The following AKAP13 variants were observed in gnomAD, a reference collection of about 807,000 sequenced individuals.
The protein encoded by AKAP13 is A-kinase anchor protein 13.
A neutral mutation model predicts 264.5 loss-of-function variants in AKAP13; 80 were observed. The ratio of observed to expected loss-of-function variants is 0.30; its 90% confidence interval spans 0.25 to 0.36. The LOEUF is 0.36. Among genes scored for constraint, AKAP13 ranks in the 10% least tolerant of loss-of-function variants. The pLI is 1.00. For missense variants in AKAP13, 3,712 were observed against 3,435.2 expected, an observed-to-expected ratio of 1.08 and a Z score of -2.01; for synonymous variants, 1,380 against 1,250.2, an observed-to-expected ratio of 1.10 and a Z score of -2.19.
chr15:85,457,515 G>C (rs560055079), intron 1 of AKAP13, among the ~76,000 whole-genome samples: 6 of 152,322 alleles, frequency 3.9e-5, no homozygotes, highest in African/African-American at 1.4e-4. Flanking sequence ...AGGAGGTGGA[G>C]ATTGGAGAGC....
intron 14 of AKAP13, among the ~76,000 whole-genome samples, chr15:85,674,562 G>T (rs1567188085): frequency 6.6e-6 from 1 of 152,174 alleles, no homozygotes; most frequent in East Asian, 1.9e-4. Flanking sequence ...ATGTGAGTTT[G>T]CCAAGTTTCT....
In AKAP13 at chr15:85,645,211, A is replaced by G. The variant is rs577411623; in HGVS notation, c.4238-607A>G. Among the ~76,000 whole-genome samples, 4 of 152,322 alleles carry G rather than the reference A, an allele frequency of 2.6e-5. No homozygotes were observed. In the South Asian group the frequency reaches 6.2e-4, roughly 24 times the overall value. On this transcript the variant is annotated intron_variant, in intron 9 of 36. Coordinates refer to ENST00000394518, the MANE Select transcript of AKAP13 (RefSeq NM_007200.5). ...CTAAGTTTTTAGGCTTCCTCAATGT[A>G]CAAAGGTAGTATTTCTGTCACAGAC...
At chr15:85,635,323 G>A (rs767863732) in intron 8 of AKAP13, among the ~76,000 whole-genome samples, 2 of 151,650 alleles carry the variant, frequency 1.3e-5, no homozygotes, top group Admixed American at 6.6e-5. Context: ...AATGATGTTG[G>A]GTATCTTTTT....
intron 1 of AKAP13, among the ~76,000 whole-genome samples, chr15:85,401,123 A>C (rs188655390): frequency 6.6e-6 from 1 of 151,836 alleles, no homozygotes; most frequent in African/African-American, 2.4e-5. Context: ...TGGCCTCTCA[A>C]AGTGCTGGGA....
chr15:85,518,724 G>A (rs1176417482), intron 2 of AKAP13, among the ~76,000 whole-genome samples: 2 of 152,192 alleles, frequency 1.3e-5, no homozygotes, highest in African/African-American at 4.8e-5. Context: ...AGCTACTTGG[G>A]AGGCAGCAGG....
chr15:85,730,905 A>C (rs1268411048), intron 30 of AKAP13, among the ~76,000 whole-genome samples, 198 bp downstream of exon 30: 5 of 152,070 alleles, frequency 3.3e-5, no homozygotes, highest in Non-Finnish European at 5.9e-5. Context: ...AGGGGCCCTG[A>C]AGCCCCTTCC....
In AKAP13 at chr15:85,721,895, G is replaced by T. The variant is rs761787717; in HGVS notation, c.6253-96G>T. ...CTTTTGGGAGAATTTATGAGGAAGC[G>T]CTCTTGACTTTTACAACTAGACTGG... On this transcript the variant is annotated intron_variant, in intron 23 of 36. Coordinates refer to ENST00000394518, the MANE Select transcript of AKAP13 (RefSeq NM_007200.5). 1.3e-5 allele frequency: 20 copies of T among 1,544,018 alleles called. No homozygotes were observed. In the South Asian group the frequency reaches 1.5e-4, roughly 12 times the overall value.
rs991288231 is a variant in AKAP13 at position 85,710,568 on chromosome 15, T to C, written c.5533-11T>C. The C allele has an allele frequency of 3.1e-6, 5 of 1,613,118 alleles. No homozygotes were observed. The highest frequency in any genetic ancestry group is 4.2e-6 in the Non-Finnish European group (5 of 1,179,624). ...GTGAATTGTCAATGGACTTACTTTCTTTCTCTTTAGCAGCCCAAAGGGAGC... is the reference window on the plus strand; with the variant it reads ...GTGAATTGTCAATGGACTTACTTTCCTTCTCTTTAGCAGCCCAAAGGGAGC... On this transcript the variant is annotated splice_polypyrimidine_tract_variant and intron_variant, in intron 18 of 36. Coordinates refer to ENST00000394518, the MANE Select transcript of AKAP13 (RefSeq NM_007200.5).
intron 12 of AKAP13, 106 bp downstream of exon 12, chr15:85,658,696 A>G (rs2083208184): frequency 2.1e-6 from 2 of 932,092 alleles, no homozygotes; most frequent in Admixed American, 4.4e-5. Context: ...CTTTTAAGTA[A>G]TGTCCCATCT....
chr15:85,735,018 GGAAA>G lies in AKAP13; in HGVS notation c.7310_7313del (p.Gly2437ValfsTer39). 6.2e-7 allele frequency: 1 copy of G among 1,614,116 alleles called. No homozygotes were observed. Among genetic ancestry groups the G allele is most frequent in the Non-Finnish European group, 8.5e-7 (1 of 1,179,994 alleles). ...GGAGATCCTTCAGGGTTTGGTGAGT[GGAAA>G]TCTGGGAGGCACACTTGGGCCGACT... is the stretch of plus-strand genomic sequence containing the variant. On this transcript the variant is annotated frameshift_variant, in exon 31 of 37. Coordinates refer to ENST00000394518, the MANE Select transcript of AKAP13 (RefSeq NM_007200.5). LOFTEE classifies it high-confidence loss of function.
intron 2 of AKAP13, among the ~76,000 whole-genome samples, chr15:85,516,660 T>C (rs2076610642): frequency 6.6e-6 from 1 of 152,070 alleles, no homozygotes; most frequent in African/African-American, 2.4e-5. Context: ...CCTTTTCCCC[T>C]CTCCTTCCCT....
At chr15:85,428,827 C>T (rs530350430) in intron 1 of AKAP13, among the ~76,000 whole-genome samples, 19 of 152,218 alleles carry the variant, frequency 1.2e-4, no homozygotes, top group Non-Finnish European at 2.4e-4. Flanking sequence ...TGACCATCCA[C>T]TACTTTTCTA....
At chr15:85,452,942 C>G (rs2074143002) in intron 1 of AKAP13, among the ~76,000 whole-genome samples, 1 of 152,124 alleles carries the variant, frequency 6.6e-6, no homozygotes, top group African/African-American at 2.4e-5. Context: ...TTGCTTGATT[C>G]CTGGGGGCTC....
intron 2 of AKAP13, among the ~76,000 whole-genome samples, chr15:85,496,094 T>C (rs2075865146): frequency 6.6e-6 from 1 of 152,174 alleles, no homozygotes. Flanking sequence ...GATTTAATCA[T>C]GACAATAGAC....
chr15:85,715,995 CA>C, intron 20 of AKAP13, 72 bp downstream of exon 20: 3 of 1,174,352 alleles, frequency 2.6e-6, no homozygotes, highest in East Asian at 6.2e-5. Flanking sequence ...CATCATATGA[CA>C]AAAAGCTTTT....
chr15:85,686,310 CA>C lies in AKAP13; in HGVS notation c.5289+1438del, dbSNP rs1448995857. ...ATTCAAGAATATTGTCATAAAAGGG[CA>C]TTGCCTCCTCCCTCACAAAACAAGG... is the stretch of plus-strand genomic sequence containing the variant. On this transcript the variant is annotated intron_variant, in intron 16 of 36. Coordinates refer to ENST00000394518, the MANE Select transcript of AKAP13 (RefSeq NM_007200.5). 3.9e-5 allele frequency among the ~76,000 whole-genome samples: 6 copies of C among 152,308 alleles called. No individual in the cohort carries two copies. In the East Asian group the frequency reaches 1.2e-3, roughly 29 times the overall value.
chr15:85,599,765 G>T (rs1472650387), intron 8 of AKAP13, among the ~76,000 whole-genome samples: 2 of 152,184 alleles, frequency 1.3e-5, no homozygotes, highest in Non-Finnish European at 2.9e-5. Context: ...GCTGGGTGAG[G>T]TGGTTCATGC....
rs1482094787 is a variant in AKAP13 at position 85,715,869 on chromosome 15, G to A, written c.5681G>A (p.Arg1894Gln). ...TATTPIFANR[R>Q]SQQSVSLSKS... ...ACCACCCCAATATTTGCCAATAGAC[G>A]ATCCCAGCAGAGTGTCTCGCTCTCC... The change falls in exon 20 of 37, where the codon CGA (arginine) becomes CAA (glutamine). Residue 1894 changes from arginine to glutamine, a missense_variant. Arg to Gln is a conservative substitution (Grantham distance 43). Coordinates refer to ENST00000394518, the MANE Select transcript of AKAP13 (RefSeq NM_007200.5). 17 of 1,613,218 alleles carry A rather than the reference G, an allele frequency of 1.1e-5. No individual in the cohort carries two copies. The highest frequency in any genetic ancestry group is 4.0e-5 in the African/African-American group (3 of 74,668).
intron 5 of AKAP13, among the ~76,000 whole-genome samples, chr15:85,557,659 TAG>T (rs1427716515): frequency 6.6e-6 from 1 of 152,086 alleles, no homozygotes. Flanking sequence ...AAATTTTGTG[TAG>T]AGATGAGGTC....
Sources: gnomAD v4.1 joint callset for allele counts (sites outside exome capture counted in the v4.1 genomes callset) on GRCh38, gnomAD v4.1.1 for gene constraint, MANE v1.5 for transcripts, NCBI Gene and HGNC (gene_info 2026-07-23, HGNC 2026-07-21) for gene names.